Variants in CTNNA2 observed in about 807,000 individuals in gnomAD.
CTNNA2 encodes catenin alpha-2.
In CTNNA2, 42 loss-of-function variants were observed where a neutral mutation model predicts 101.0. The ratio of observed to expected loss-of-function variants is 0.42; its 90% CI spans 0.32 to 0.54. The LOEUF (loss-of-function observed/expected upper bound fraction) is 0.54, where lower values mean the gene tolerates loss of function less well. CTNNA2 is among the 20% of genes least tolerant of loss of function. The pLI is 0.14. For missense variants in CTNNA2, 871 were observed against 1,223.1 expected (o/e 0.71, Z 4.29); for synonymous variants, 450 against 456.4 (o/e 0.99, Z 0.18).
At chr2:79,278,077 G>A (rs899448855) in intron 2 of CTNNA2, among the ~76,000 whole-genome samples, 3 of 152,116 alleles carry the variant, frequency 2.0e-5, no homozygotes, top group African/African-American at 4.8e-5. Context: ...TAATTTTATA[G>A]AAGAAGTCTA....
At chr2:79,412,142 CAAA>C (rs1250478160) in intron 4 of CTNNA2, among the ~76,000 whole-genome samples, 1 of 151,962 alleles carries the variant, frequency 6.6e-6, no homozygotes, top group Non-Finnish European at 1.5e-5. Flanking sequence ...TCAAAAGAGA[CAAA>C]GAAGGCCATT....
chr2:80,526,004 ACT>A (rs1248306516), intron 9 of CTNNA2, among the ~76,000 whole-genome samples: 6 of 152,240 alleles, frequency 3.9e-5, no homozygotes, highest in South Asian at 4.1e-4. Context: ...CCAACCTAAT[ACT>A]CTCTTAGCTT....
upstream of CTNNA2, among the ~76,000 whole-genome samples, chr2:79,512,212 A>G (rs918300814): frequency 2.6e-5 from 4 of 152,242 alleles, no homozygotes; most frequent in African/African-American, 9.6e-5. Context: ...AACCTCTCAG[A>G]GGACGAACAT....
intron 1 of CTNNA2, among the ~76,000 whole-genome samples, chr2:79,521,136 A>AAATTT: frequency 4.6e-5 from 1 of 21,622 alleles, no homozygotes; most frequent in Non-Finnish European, 9.7e-5. Flanking sequence ...ATATATATAT[A>AAATTT]TATATATATA....
chr2:79,235,528 T>C (rs915168499), intron 2 of CTNNA2, among the ~76,000 whole-genome samples: 7 of 152,024 alleles, frequency 4.6e-5, no homozygotes, highest in Non-Finnish European at 1.0e-4. Context: ...GGTGCTCTAA[T>C]CCACAGTGCT....
chr2:80,510,100 A>G (rs1307700650), intron 9 of CTNNA2, among the ~76,000 whole-genome samples: 2 of 152,200 alleles, frequency 1.3e-5, no homozygotes, highest in East Asian at 3.9e-4. Flanking sequence ...TACAACAGAT[A>G]TTTAATAAAA....
chr2:79,398,679 A>T (rs1265941670), intron 4 of CTNNA2, among the ~76,000 whole-genome samples: 1 of 152,016 alleles, frequency 6.6e-6, no homozygotes, highest in Non-Finnish European at 1.5e-5. Flanking sequence ...GATAAGAATC[A>T]GGTTCAACTA....
At chr2:79,378,858 C>T (rs1678008502) in intron 4 of CTNNA2, among the ~76,000 whole-genome samples, 1 of 152,056 alleles carries the variant, frequency 6.6e-6, no homozygotes, top group Non-Finnish European at 1.5e-5. Context: ...CTTCTTGTCT[C>T]AATCAAAACT....
chr2:80,125,310 G>A (rs567444602), intron 7 of CTNNA2, among the ~76,000 whole-genome samples: 6 of 152,248 alleles, frequency 3.9e-5, no homozygotes, highest in African/African-American at 1.2e-4. Flanking sequence ...CCACTGCACC[G>A]TGGAGCCTTC....
At chr2:80,217,656 C>T (rs1708348264) in intron 7 of CTNNA2, among the ~76,000 whole-genome samples, 1 of 152,224 alleles carries the variant, frequency 6.6e-6, no homozygotes, top group Non-Finnish European at 1.5e-5. Context: ...CACATTTTCA[C>T]TCTTTCCACT....
chr2:80,097,626 G>A (rs989411108), intron 7 of CTNNA2, among the ~76,000 whole-genome samples: 10 of 152,110 alleles, frequency 6.6e-5, no homozygotes, highest in Non-Finnish European at 1.3e-4. Flanking sequence ...CATTCTGTCC[G>A]TCACTTTCAG....
At chr2:80,517,237 G>A (rs146799284) in intron 9 of CTNNA2, among the ~76,000 whole-genome samples, 2 of 152,292 alleles carry the variant, frequency 1.3e-5, no homozygotes, top group East Asian at 1.9e-4. Context: ...AAAATAAATC[G>A]ATCAAATTAA....
chr2:79,513,743 T>C (rs1473255696), intron 1 of CTNNA2, among the ~76,000 whole-genome samples: 1 of 89,406 alleles, frequency 1.1e-5, no homozygotes, highest in African/African-American at 4.3e-5. Context: ...AGGGTGGGGG[T>C]GGGGAGGGTT....
chr2:80,434,321 CAT>C (rs749576104), intron 9 of CTNNA2, among the ~76,000 whole-genome samples: 13 of 152,268 alleles, frequency 8.5e-5, no homozygotes, highest in East Asian at 7.7e-4. Flanking sequence ...TGTTCAAAAA[CAT>C]GTATAATTTT....
At chr2:80,028,982 A>C (rs1316338243) in intron 7 of CTNNA2, among the ~76,000 whole-genome samples, 1 of 152,242 alleles carries the variant, frequency 6.6e-6, no homozygotes, top group Non-Finnish European at 1.5e-5. Context: ...ACCAAATTTT[A>C]GGTAATTTGT....
chr2:79,880,607 A>T (rs1683355184), intron 6 of CTNNA2, among the ~76,000 whole-genome samples: 1 of 152,094 alleles, frequency 6.6e-6, no homozygotes, highest in African/African-American at 2.4e-5. Flanking sequence ...ATTTGCATAG[A>T]GGTGTTTATA....
chr2:79,922,927 C>G (rs1686773247), intron 7 of CTNNA2, among the ~76,000 whole-genome samples: 1 of 152,094 alleles, frequency 6.6e-6, no homozygotes, highest in Non-Finnish European at 1.5e-5. Context: ...ATTCTATTCT[C>G]TCCATTTAAA....
intron 7 of CTNNA2, among the ~76,000 whole-genome samples, chr2:80,065,989 T>TGTA (rs1697962007): frequency 1.3e-5 from 2 of 152,200 alleles, no homozygotes; most frequent in African/African-American, 4.8e-5. Flanking sequence ...AACTTGTTCC[T>TGTA]GTTATCTACA....
chr2:79,944,769 A>G lies in CTNNA2; in HGVS notation c.1056+34972A>G, dbSNP rs531652982. Among the ~76,000 whole-genome samples, 285 of 152,338 alleles carry G rather than the reference A, an allele frequency of 1.9e-3. 1 individual carries two copies. Among genetic ancestry groups the G allele is most frequent in the African/African-American group, 6.5e-3 (271 of 41,564 alleles). ...TATTCATTAATCATAAGAAACTGTC[A>G]TATTCAATAAGTAGAGAAGGAGAAA... On this transcript the variant is annotated intron_variant, in intron 7 of 18. Transcript: ENST00000402739.
Sources: gnomAD v4.1 joint callset for allele counts (sites outside exome capture counted in the v4.1 genomes callset) on GRCh38, gnomAD v4.1.1 for gene constraint, MANE v1.5 for transcripts, NCBI Gene and HGNC (gene_info 2026-07-23, HGNC 2026-07-21) for gene names.